NLGN4X: variants seen among roughly 807,000 people sequenced by gnomAD.
The protein encoded by NLGN4X is neuroligin-4, X-linked.
A neutral mutation model predicts 40.3 loss-of-function variants in NLGN4X; 3 were observed. The observed-to-expected ratio is 0.07, with a 90% CI of 0.03 to 0.19. The LOEUF is 0.19. Among genes scored for constraint, NLGN4X ranks in the 10% least tolerant of loss-of-function variants. The pLI, the probability that NLGN4X is intolerant of heterozygous loss-of-function variation, is 1.00. For synonymous variants in NLGN4X, 270 were observed against 306.8 expected, an observed-to-expected ratio of 0.88 and a Z score of 1.25; for missense variants, 382 against 708.3, an observed-to-expected ratio of 0.54 and a Z score of 5.23.
intron 3 of NLGN4X, among the ~76,000 whole-genome samples, chrX:5,953,541 C>T (rs1374362643): frequency 8.9e-6 from 1 of 111,842 alleles, no homozygotes; most frequent in Non-Finnish European, 1.9e-5. Context: ...TTGATTATTA[C>T]ACATTGTATG....
Position 6,228,586 on chromosome X carries a change from A to G in NLGN4X, c.-351T>C, listed in dbSNP as rs1180056418. The G allele has an allele frequency of 1.8e-5, 2 of 111,123 alleles. No individual in the cohort carries two copies. Among genetic ancestry groups the G allele is most frequent in the Non-Finnish European group, 3.8e-5 (2 of 53,079 alleles). 9.2% of individuals were successfully genotyped at this position (111,123 alleles called of 1,213,427 possible). A position where few individuals can be genotyped will look rare whatever the true frequency, so the allele number is the denominator to read the frequency against. On this transcript the variant is annotated 5_prime_UTR_variant, in exon 1 of 6. Coordinates refer to ENST00000381095, the MANE Select transcript of NLGN4X (RefSeq NM_181332.3). Reference sequence around the variant, plus strand: ...ATCGGCCGTTAAGAGTTCTTTTTACACGTCCAGATTTTTCTAGGGAACCCG... The same window carrying G: ...ATCGGCCGTTAAGAGTTCTTTTTACGCGTCCAGATTTTTCTAGGGAACCCG...
chrX:5,901,484 G>T (rs982791105), intron 5 of NLGN4X, among the ~76,000 whole-genome samples: 7 of 111,787 alleles, frequency 6.3e-5, no homozygotes, highest in African/African-American at 2.3e-4. Flanking sequence ...ATGAAAAAAT[G>T]CCACAATGTT....
At chrX:5,955,749 G>C (rs1304849748) in intron 3 of NLGN4X, among the ~76,000 whole-genome samples, 1 of 99,556 alleles carries the variant, frequency 1.0e-5, no homozygotes, top group East Asian at 3.2e-4. Flanking sequence ...ATAAAAACCA[G>C]TATTAAAAAT....
In NLGN4X at chrX:6,175,321, G is replaced by A. The variant is rs764830746; in HGVS notation, c.-305-23550C>T. 4.3e-4 allele frequency among the ~76,000 whole-genome samples: 47 copies of A among 110,495 alleles called. 1 individual carries two copies. Among genetic ancestry groups the A allele is most frequent in the Admixed American group, 1.7e-3 (17 of 10,179 alleles). ...ATTATCTCTGTATTTCTGCCTCAGC[G>A]TAGAGAAAATGTTCTCTATGAAATA... On this transcript the variant is annotated intron_variant, in intron 1 of 5. Transcript: ENST00000381095.
intron 2 of NLGN4X, among the ~76,000 whole-genome samples, chrX:6,124,238 A>G (rs1231458937): frequency 9.0e-6 from 1 of 111,615 alleles, no homozygotes; most frequent in African/African-American, 3.2e-5. Flanking sequence ...GTATATAAGT[A>G]CATTTTATAT....
At chrX:6,085,290 A>G (rs2038469057) in intron 2 of NLGN4X, among the ~76,000 whole-genome samples, 1 of 111,536 alleles carries the variant, frequency 9.0e-6, no homozygotes, top group South Asian at 3.8e-4. Flanking sequence ...TAGGGTCATT[A>G]CTTCAGAGTT....
intron 3 of NLGN4X, among the ~76,000 whole-genome samples, chrX:5,925,221 G>A (rs766795044): frequency 4.5e-5 from 5 of 111,598 alleles, no homozygotes; most frequent in Non-Finnish European, 9.4e-5. Flanking sequence ...CCCAGTGGAA[G>A]AGATTCTTAA....
At chrX:6,032,509 G>A (rs1280705069) in intron 2 of NLGN4X, among the ~76,000 whole-genome samples, 1 of 108,145 alleles carries the variant, frequency 9.2e-6, no homozygotes, top group East Asian at 2.9e-4. Flanking sequence ...TCCTGTACAT[G>A]GTAACTGGGA....
intron 5 of NLGN4X, among the ~76,000 whole-genome samples, chrX:5,898,036 TCTCC>T (rs201252719): frequency 0.011 from 1,021 of 92,956 alleles, 14 homozygotes; most frequent in Middle Eastern, 0.045. Flanking sequence ...CTTCTTTCTC[TCTCC>T]CTCCATTTTT....
At chrX:6,154,334 GTA>G (rs2040220145) in intron 1 of NLGN4X, among the ~76,000 whole-genome samples, 1 of 112,216 alleles carries the variant, frequency 8.9e-6, no homozygotes, top group African/African-American at 3.2e-5. Context: ...GTGCTGTCGT[GTA>G]TGTGTGTGTG....
chrX:5,913,014 G>A (rs2032578211), intron 3 of NLGN4X, among the ~76,000 whole-genome samples: 1 of 71,921 alleles, frequency 1.4e-5, no homozygotes, highest in East Asian at 4.7e-4. Context: ...TAGGAGGGAG[G>A]GAGGGAAGGA....
chrX:6,088,242 AG>A (rs1187344143), intron 2 of NLGN4X, among the ~76,000 whole-genome samples: 1 of 112,746 alleles, frequency 8.9e-6, no homozygotes, highest in Non-Finnish European at 1.9e-5. Context: ...AAACAATAGC[AG>A]GAAATGCCAA....
chrX:6,077,221 T>G (rs1231841227), intron 2 of NLGN4X, among the ~76,000 whole-genome samples: 1 of 111,347 alleles, frequency 9.0e-6, no homozygotes, highest in African/African-American at 3.3e-5. Context: ...TATGATATTT[T>G]TCCACAATTC....
chrX:6,040,530 A>G (rs1363317017), intron 2 of NLGN4X, among the ~76,000 whole-genome samples: 3 of 112,138 alleles, frequency 2.7e-5, no homozygotes, highest in Non-Finnish European at 5.6e-5. Flanking sequence ...ATTTGCTTAC[A>G]TATTCTCCTA....
At chrX:5,898,282 C>T (rs1286351650) in intron 5 of NLGN4X, among the ~76,000 whole-genome samples, 28 of 89,573 alleles carry the variant, frequency 3.1e-4, no homozygotes, top group African/African-American at 1.2e-3. Flanking sequence ...TCTTGATTCC[C>T]TCCCGCCCTC....
chrX:5,900,260 A>G (rs954945782), intron 5 of NLGN4X, among the ~76,000 whole-genome samples: 2 of 112,220 alleles, frequency 1.8e-5, no homozygotes, highest in Admixed American at 1.9e-4. Flanking sequence ...GTCATACTAG[A>G]GTAGGGTGAG....
At chrX:5,997,845 G>T (rs944739111) in intron 3 of NLGN4X, among the ~76,000 whole-genome samples, 7 of 110,188 alleles carry the variant, frequency 6.4e-5, no homozygotes, top group African/African-American at 2.3e-4. Context: ...CATAGGTAGA[G>T]AAACCTGAAA....
chrX:6,212,430 C>T (rs1924699963), intron 1 of NLGN4X, among the ~76,000 whole-genome samples: 1 of 110,980 alleles, frequency 9.0e-6, no homozygotes, highest in Non-Finnish European at 1.9e-5. Flanking sequence ...GATGATATCA[C>T]CTTTTGAAAT....
At chrX:5,993,059 G>C (rs2035724130) in intron 3 of NLGN4X, among the ~76,000 whole-genome samples, 2 of 111,289 alleles carry the variant, frequency 1.8e-5, no homozygotes, top group Admixed American at 1.9e-4. Flanking sequence ...ACCTTAGGGA[G>C]CACCAATAAG....
Sources: allele counts gnomAD v4.1 joint callset (sites outside exome capture counted in the v4.1 genomes callset), GRCh38; gene constraint gnomAD v4.1.1; transcripts MANE v1.5; gene names NCBI Gene and HGNC (gene_info 2026-07-23, HGNC 2026-07-21).